The following CNTN5 variants were observed in gnomAD, a reference collection of about 807,000 sequenced individuals.
CNTN5 encodes contactin-5.
In CNTN5, 77 loss-of-function variants were observed where a neutral mutation model predicts 129.1. That is an observed-to-expected ratio of 0.60 (90% confidence interval 0.50 to 0.72). CNTN5 has a LOEUF of 0.72. CNTN5 is among the 30% of genes least tolerant of loss of function. The pLI, the probability that CNTN5 is intolerant of heterozygous loss-of-function variation, is 0.00. For synonymous variants in CNTN5, 509 were observed against 465.6 expected (o/e 1.09, Z -1.20); for missense variants, 1,478 against 1,328.8 (o/e 1.11, Z -1.75).
intron 13 of CNTN5, among the ~76,000 whole-genome samples, chr11:100,075,230 T>G (rs1224333245): frequency 6.6e-6 from 1 of 152,174 alleles, no homozygotes; most frequent in Non-Finnish European, 1.5e-5. Context: ...CCATCAAATC[T>G]GAGGGACACT....
At chr11:99,357,800 C>A (rs1018910636) in intron 2 of CNTN5, among the ~76,000 whole-genome samples, 1 of 151,568 alleles carries the variant, frequency 6.6e-6, no homozygotes, top group Non-Finnish European at 1.5e-5. Context: ...GCTCCTGCCC[C>A]CACCTCTCAT....
chr11:100,019,503 G>GAAGGAA (rs1280885951), intron 9 of CNTN5, among the ~76,000 whole-genome samples: 2 of 151,958 alleles, frequency 1.3e-5, no homozygotes, highest in East Asian at 3.9e-4. Flanking sequence ...GTTCATCCAT[G>GAAGGAA]TTGTTACAAA....
At chr11:99,704,069 GTA>G (rs1555081486) in intron 3 of CNTN5, among the ~76,000 whole-genome samples, 13 of 148,482 alleles carry the variant, frequency 8.8e-5, no homozygotes, top group Non-Finnish European at 1.4e-4. Context: ...GTGTGTGTGT[GTA>G]TGTGTGTGTG....
At chr11:99,276,170 G>A (rs1863417729) in intron 1 of CNTN5, among the ~76,000 whole-genome samples, 1 of 151,628 alleles carries the variant, frequency 6.6e-6, no homozygotes, top group Non-Finnish European at 1.5e-5. Context: ...GAAACTCTGA[G>A]TGATACAGGT....
intron 3 of CNTN5, among the ~76,000 whole-genome samples, chr11:99,798,118 C>G (rs1201124373): frequency 6.6e-6 from 1 of 151,980 alleles, no homozygotes; most frequent in African/African-American, 2.4e-5. Flanking sequence ...CCTACCCTAC[C>G]CCGTCTGATA....
intron 3 of CNTN5, among the ~76,000 whole-genome samples, chr11:99,754,462 C>T (rs958768617): frequency 4.6e-5 from 7 of 152,138 alleles, no homozygotes; most frequent in Admixed American, 6.5e-5. Context: ...TGATTTTTCT[C>T]AACTCATGCC....
In CNTN5 at chr11:99,865,803, A is replaced by G. The variant is rs1361002447; in HGVS notation, c.577+20541A>G. ...TGTTAAGTTTATTGCATTTTCCACA[A>G]CTCATTAAATTTAGGCTTATAAGTA... On this transcript the variant is annotated intron_variant, in intron 6 of 24. Coordinates refer to ENST00000524871, the MANE Select transcript of CNTN5 (RefSeq NM_014361.4). Among the ~76,000 whole-genome samples the G allele has an allele frequency of 2.6e-5, 4 of 152,004 alleles. 1 individual carries two copies. The highest frequency in any genetic ancestry group is 5.9e-5 in the Non-Finnish European group (4 of 67,986).
intron 1 of CNTN5, among the ~76,000 whole-genome samples, chr11:99,101,882 G>A (rs1304893515): frequency 1.3e-5 from 2 of 152,184 alleles, no homozygotes; most frequent in African/African-American, 4.8e-5. Context: ...GCCCCAGTAG[G>A]GACTCTGTGT....
intron 7 of CNTN5, among the ~76,000 whole-genome samples, chr11:99,920,235 C>T (rs1216094783): frequency 6.6e-6 from 1 of 152,022 alleles, no homozygotes; most frequent in Non-Finnish European, 1.5e-5. Context: ...GATATTCCTC[C>T]ACTCTTTCTT....
chr11:100,207,468 TG>T (rs1416012847), intron 15 of CNTN5, among the ~76,000 whole-genome samples: 1 of 152,134 alleles, frequency 6.6e-6, no homozygotes, highest in East Asian at 1.9e-4. Context: ...TAATTTAGAT[TG>T]CTTTACCAGT....
intron 9 of CNTN5, among the ~76,000 whole-genome samples, chr11:100,027,037 C>G (rs1182506179): frequency 6.6e-6 from 1 of 151,740 alleles, no homozygotes; most frequent in African/African-American, 2.4e-5. Flanking sequence ...AAATCTCTTC[C>G]ATAGTTGTAC....
intron 2 of CNTN5, among the ~76,000 whole-genome samples, chr11:99,354,512 C>A (rs965687757): frequency 6.6e-6 from 1 of 152,076 alleles, no homozygotes; most frequent in Non-Finnish European, 1.5e-5. Flanking sequence ...AGTTGAAATG[C>A]GGATAATTTT....
At chr11:99,211,691 A>C (rs995106360) in intron 1 of CNTN5, among the ~76,000 whole-genome samples, 1 of 150,664 alleles carries the variant, frequency 6.6e-6, no homozygotes, top group Non-Finnish European at 1.5e-5. Context: ...TTTCCAGCAG[A>C]TTTGTTTCAT....
chr11:99,638,382 T>A (rs2135829914), intron 3 of CNTN5, among the ~76,000 whole-genome samples: 2 of 152,254 alleles, frequency 1.3e-5, no homozygotes, highest in South Asian at 4.1e-4. Context: ...CATATCATTC[T>A]GCCCTGACCC....
chr11:99,687,802 A>G (rs1953860593), intron 3 of CNTN5, among the ~76,000 whole-genome samples: 1 of 152,202 alleles, frequency 6.6e-6, no homozygotes, highest in Non-Finnish European at 1.5e-5. Context: ...GTCTTGATGT[A>G]GCATATTGTA....
At chr11:99,872,520 G>T (rs917999543) in intron 6 of CNTN5, among the ~76,000 whole-genome samples, 1 of 152,074 alleles carries the variant, frequency 6.6e-6, no homozygotes, top group African/African-American at 2.4e-5. Context: ...ATAAGTGAAA[G>T]AATTACAATT....
At chr11:100,069,819 G>T (rs1039171535) in intron 10 of CNTN5, among the ~76,000 whole-genome samples, 18 of 152,060 alleles carry the variant, frequency 1.2e-4, no homozygotes, top group African/African-American at 4.1e-4. Context: ...TAGTGGAAAT[G>T]AACTTTAACT....
At chr11:100,042,270 GC>G in intron 9 of CNTN5, among the ~76,000 whole-genome samples, 1 of 150,092 alleles carries the variant, frequency 6.7e-6, no homozygotes, top group East Asian at 1.9e-4. Context: ...GAAAAAAAAA[GC>G]CTTTGTCTCA....
chr11:99,093,306 T>G (rs1232825798), intron 1 of CNTN5, among the ~76,000 whole-genome samples: 1 of 152,116 alleles, frequency 6.6e-6, no homozygotes, highest in African/African-American at 2.4e-5. Flanking sequence ...ACAAGGGCAT[T>G]TCTCTATGAT....
Sources: gnomAD v4.1 joint callset for allele counts (sites outside exome capture counted in the v4.1 genomes callset) on GRCh38, gnomAD v4.1.1 for gene constraint, MANE v1.5 for transcripts, NCBI Gene and HGNC (gene_info 2026-07-23, HGNC 2026-07-21) for gene names.